LRRC40: variants seen among roughly 807,000 people sequenced by gnomAD.
LRRC40 encodes leucine rich repeat containing 40.
Under a neutral mutation model 72.8 loss-of-function variants are expected in LRRC40, and 76 were observed. The observed-to-expected ratio is 1.04, with a 90% CI of 0.87 to 1.26. LRRC40 has a LOEUF of 1.26. LRRC40 is among the 50% of genes most tolerant of loss of function. The pLI, the probability that LRRC40 is intolerant of heterozygous loss-of-function variation, is 0.00. For synonymous variants in LRRC40, 243 were observed against 254.2 expected (o/e 0.96, Z 0.42); for missense variants, 684 against 698.9 (o/e 0.98, Z 0.24).
At chr1:70,202,206 A>G (rs1165834920) in intron 1 of LRRC40, among the ~76,000 whole-genome samples, 1 of 152,174 alleles carries the variant, frequency 6.6e-6, no homozygotes, top group Non-Finnish European at 1.5e-5. Context: ...TATCCAAATG[A>G]GTTGAACATA....
chr1:70,171,810 A>G (rs376838211), intron 9 of LRRC40, among the ~76,000 whole-genome samples: 6 of 152,144 alleles, frequency 3.9e-5, no homozygotes, highest in African/African-American at 1.4e-4. Flanking sequence ...TTAAACATAG[A>G]GTTATCATAT....
At chr1:70,190,676 C>CAAAAAAAAAAAAAAAA (rs1483272385) in intron 1 of LRRC40, among the ~76,000 whole-genome samples, 1 of 18,150 alleles carries the variant, frequency 5.5e-5, no homozygotes, top group African/African-American at 7.8e-4. Context: ...GACCCTGTCT[C>CAAAAAAAAAAAAAAAA]TAAAAAAAAA....
At chr1:70,194,429 T>C (rs1056531752) in intron 1 of LRRC40, among the ~76,000 whole-genome samples, 9 of 152,102 alleles carry the variant, frequency 5.9e-5, no homozygotes, top group Non-Finnish European at 1.2e-4. Flanking sequence ...CTGTGAAAAC[T>C]TGAAGGTCTA....
chr1:70,151,720 T>G (rs966453328), intron 12 of LRRC40: 1 of 152,042 alleles, frequency 6.6e-6, no homozygotes, highest in Admixed American at 6.6e-5. Flanking sequence ...GAATTTAAAT[T>G]TACACAATGA....
intron 10 of LRRC40, 99 bp downstream of exon 10, chr1:70,159,231 A>G: frequency 2.2e-6 from 1 of 460,596 alleles, no homozygotes; most frequent in Non-Finnish European, 3.8e-6. Flanking sequence ...GAGAGGCCAA[A>G]GCAGGAGGAT....
intron 9 of LRRC40, among the ~76,000 whole-genome samples, chr1:70,160,063 T>C (rs566161222): frequency 6.6e-6 from 1 of 152,306 alleles, no homozygotes; most frequent in African/African-American, 2.4e-5. Flanking sequence ...TTTAACACTG[T>C]CATCATATGG....
At position 70,144,850 on chromosome 1, in the gene LRRC40, A is replaced by ATCT. The variant is rs1383919400; in HGVS notation, c.*947_*949dup. 2 of 152,160 alleles carry ATCT rather than the reference A, an allele frequency of 1.3e-5. No individual in the cohort carries two copies. Among genetic ancestry groups the ATCT allele is most frequent in the African/African-American group, 2.4e-5 (1 of 41,436 alleles). 9.4% of individuals were successfully genotyped at this position (152,160 alleles called of 1,614,324 possible). On this transcript the variant is annotated 3_prime_UTR_variant, in exon 15 of 15. Transcript: ENST00000370952. ...CTTTTATTCTGAACATGTAGTATTT[A>ATCT]TCTTTATTAGCAATTTTTTTCATAA...
At chr1:70,155,454 TAAAAG>T (rs1667616836) in intron 11 of LRRC40, among the ~76,000 whole-genome samples, 1 of 151,996 alleles carries the variant, frequency 6.6e-6, no homozygotes, top group African/African-American at 2.4e-5. Context: ...AGTTTAAACA[TAAAAG>T]AAAAAGAAAC....
chr1:70,188,901 A>G (rs1334847047), intron 2 of LRRC40, among the ~76,000 whole-genome samples, 191 bp downstream of exon 2: 1 of 152,178 alleles, frequency 6.6e-6, no homozygotes. Flanking sequence ...AGCCATTAAT[A>G]GCAGAAGTCA....
chr1:70,183,752 C>G (rs1251618665), intron 4 of LRRC40, among the ~76,000 whole-genome samples: 1 of 151,920 alleles, frequency 6.6e-6, no homozygotes, highest in Non-Finnish European at 1.5e-5. Context: ...AGGTTTTTTG[C>G]CATGTTTTCC....
chr1:70,182,965 A>G (rs1373396392), intron 4 of LRRC40, among the ~76,000 whole-genome samples: 3 of 152,106 alleles, frequency 2.0e-5, no homozygotes, highest in Non-Finnish European at 2.9e-5. Context: ...CTCAACTCCA[A>G]ATGGACTCTT....
intron 4 of LRRC40, 57 bp from the exon 5 acceptor site, chr1:70,181,266 A>C: frequency 8.9e-7 from 1 of 1,120,144 alleles, no homozygotes; most frequent in Non-Finnish European, 1.2e-6. Flanking sequence ...TAAATAAATA[A>C]TGCCCTAAAA....
chr1:70,190,677 T>TAAAAAAAAAAAAAAAAAAAAAAAAAA lies in LRRC40; in HGVS notation c.152-1405_152-1404insTTTTTTTTTTTTTTTTTTTTTTTTTT, dbSNP rs59341874. Among the ~76,000 whole-genome samples, 91 of 54,290 alleles carry TAAAAAAAAAAAAAAAAAAAAAAAAAA rather than the reference T, an allele frequency of 1.7e-3. 4 individuals carry two copies. Among genetic ancestry groups the TAAAAAAAAAAAAAAAAAAAAAAAAAA allele is most frequent in the African/African-American group, 2.2e-3 (17 of 7,900 alleles). The allele number at this position is 54,290 out of a possible 152,430, so 35.6% of individuals were successfully genotyped here. A position where few individuals can be genotyped will look rare whatever the true frequency, so the allele number is the denominator to read the frequency against. The stretch of plus-strand genomic sequence containing the variant: ...GGGAAACAGAGTGAGACCCTGTCTC[T>TAAAAAAAAAAAAAAAAAAAAAAAAAA]AAAAAAAAAAAAAAAAAAACTTAAA... On this transcript the variant is annotated intron_variant, in intron 1 of 14. Transcript: ENST00000370952.
intron 1 of LRRC40, among the ~76,000 whole-genome samples, chr1:70,193,657 G>GA (rs1486822216): frequency 6.6e-6 from 1 of 151,896 alleles, no homozygotes; most frequent in Non-Finnish European, 1.5e-5. Flanking sequence ...CATTAAAAGA[G>GA]AAAATAAAAC....
Position 70,189,349 on chromosome 1 carries a change from C to T in LRRC40, c.152-76G>A, listed in dbSNP as rs916297968. On this transcript the variant is annotated intron_variant, in intron 1 of 14. Coordinates refer to ENST00000370952, the MANE Select transcript of LRRC40 (RefSeq NM_017768.5). Reference sequence around the variant, plus strand: ...AAAACCAGAACTAGATACTAAGTGACATGCTTTTATAATAGCCATTCCATT... The same window carrying T: ...AAAACCAGAACTAGATACTAAGTGATATGCTTTTATAATAGCCATTCCATT... The T allele has an allele frequency of 4.1e-6, 5 of 1,210,324 alleles. No individual in the cohort carries two copies. The African/African-American group carries it at 6.3e-5, about 15-fold the overall frequency. The allele number at this position is 1,210,324 out of a possible 1,614,324, so 75.0% of individuals were successfully genotyped here. A position where few individuals can be genotyped will look rare whatever the true frequency, so the allele number is the denominator to read the frequency against.
chr1:70,166,899 GA>G (rs562281841), intron 9 of LRRC40, among the ~76,000 whole-genome samples: 6 of 146,958 alleles, frequency 4.1e-5, no homozygotes, highest in African/African-American at 1.5e-4. Flanking sequence ...ATCCCCAAAA[GA>G]AAGGAGAAAA....
chr1:70,191,234 G>C (rs1410302935), intron 1 of LRRC40, among the ~76,000 whole-genome samples: 5 of 151,830 alleles, frequency 3.3e-5, no homozygotes, highest in African/African-American at 1.2e-4. Flanking sequence ...TGTAGAAAAA[G>C]CTATGTGAGA....
rs982301974 is a variant in LRRC40, at chr1:70,144,896, C to T, written c.*904G>A. 9 of 152,062 alleles carry T rather than the reference C, an allele frequency of 5.9e-5. No individual in the cohort carries two copies. Among genetic ancestry groups the T allele is most frequent in the Admixed American group, 3.3e-4 (5 of 15,268 alleles). The allele number at this position is 152,062 out of a possible 1,614,324, so 9.4% of individuals were successfully genotyped here. The stretch of plus-strand genomic sequence containing the variant: ...CATAATATAAGCATGCCTCAATCAT[C>T]CAAAAGCTATCTACCTATCTATATA... On this transcript the variant is annotated 3_prime_UTR_variant, in exon 15 of 15. Coordinates refer to ENST00000370952, the MANE Select transcript of LRRC40 (RefSeq NM_017768.5).
chr1:70,150,379 G>C (rs1291531621), intron 13 of LRRC40, among the ~76,000 whole-genome samples: 1 of 152,094 alleles, frequency 6.6e-6, no homozygotes. Flanking sequence ...GAGTTATTTA[G>C]CTTCTAATCC....
Sources: allele counts gnomAD v4.1 joint callset (sites outside exome capture counted in the v4.1 genomes callset), GRCh38; gene constraint gnomAD v4.1.1; transcripts MANE v1.5; gene names NCBI Gene and HGNC (gene_info 2026-07-23, HGNC 2026-07-21).